The following CRPPA variants were observed in gnomAD, a reference collection of about 807,000 sequenced individuals.
CRPPA encodes CDP-L-ribitol pyrophosphorylase A.
Under a neutral mutation model 52.0 loss-of-function variants are expected in CRPPA, and 43 were observed. The ratio of observed to expected loss-of-function variants is 0.83; its 90% CI spans 0.65 to 1.07. The LOEUF is 1.07. CRPPA is among the 50% of genes least tolerant of loss of function. The probability of loss-of-function intolerance (pLI) is 0.00; values close to 1 mark genes in which losing one functional copy is unlikely to be tolerated. For missense variants in CRPPA, 629 were observed against 551.7 expected (o/e 1.14, Z -1.40); for synonymous variants, 250 against 203.5 (o/e 1.23, Z -1.94).
At chr7:16,386,129 G>C (rs75768231) in intron 2 of CRPPA, among the ~76,000 whole-genome samples, 2,684 of 152,162 alleles carry the variant, frequency 0.018, 61 homozygotes, top group African/African-American at 0.049. Context: ...AGTGGTGGAG[G>C]TGGTCTCGGT....
At chr7:16,383,595 G>C (rs1339553289) in intron 2 of CRPPA, among the ~76,000 whole-genome samples, 3 of 152,238 alleles carry the variant, frequency 2.0e-5, no homozygotes, top group East Asian at 1.9e-4. Context: ...CCTGCCCCCA[G>C]AGGTGGAGCC....
At chr7:16,254,227 C>T (rs1399405111) in intron 8 of CRPPA, among the ~76,000 whole-genome samples, 1 of 152,114 alleles carries the variant, frequency 6.6e-6, no homozygotes, top group Non-Finnish European at 1.5e-5. Flanking sequence ...ACCCAGAGAT[C>T]CCATTACTGG....
At chr7:16,382,376 G>T (rs1384287195) in intron 2 of CRPPA, among the ~76,000 whole-genome samples, 2 of 152,160 alleles carry the variant, frequency 1.3e-5, no homozygotes, top group African/African-American at 4.8e-5. Context: ...TAGTCTGATG[G>T]GCTTCCCTTT....
At chr7:16,342,216 T>C (rs1355906990) in intron 3 of CRPPA, among the ~76,000 whole-genome samples, 1 of 152,194 alleles carries the variant, frequency 6.6e-6, no homozygotes, top group Non-Finnish European at 1.5e-5. Context: ...AGGTGTATGC[T>C]TCAATTTATT....
At position 16,089,421 on chromosome 7, in the gene CRPPA, A is replaced by G. The variant is rs1462325162; in HGVS notation, c.*2274T>C. The G allele has an allele frequency of 2.9e-6, 1 of 343,448 alleles. No homozygotes were observed. Among genetic ancestry groups the G allele is most frequent in the East Asian group, 7.6e-5 (1 of 13,088 alleles). The allele number at this position is 343,448 out of a possible 1,614,324, so 21.3% of individuals were successfully genotyped here. A position where few individuals can be genotyped will look rare whatever the true frequency, so the allele number is the denominator to read the frequency against. Reference sequence around the variant, plus strand: ...ACATAATGTGTATATATGTACGTACATACATATATGTGTATATATGTACGT... The same window carrying G: ...ACATAATGTGTATATATGTACGTACGTACATATATGTGTATATATGTACGT... On this transcript the variant is annotated 3_prime_UTR_variant, in exon 10 of 10. Coordinates refer to ENST00000407010, the MANE Select transcript of CRPPA (RefSeq NM_001101426.4).
intron 9 of CRPPA, among the ~76,000 whole-genome samples, chr7:16,202,217 C>G (rs1487229595): frequency 2.6e-5 from 4 of 152,138 alleles, no homozygotes; most frequent in African/African-American, 9.7e-5. Flanking sequence ...ATGAATGATA[C>G]TAGCCTACAA....
At chr7:16,375,633 G>T (rs1327680190) in intron 3 of CRPPA, among the ~76,000 whole-genome samples, 1 of 152,182 alleles carries the variant, frequency 6.6e-6, no homozygotes, top group African/African-American at 2.4e-5. Flanking sequence ...ACAAGGGCAA[G>T]TCAGTGTGCC....
chr7:16,266,264 C>T (rs1376203318), intron 6 of CRPPA: 1 of 152,164 alleles, frequency 6.6e-6, no homozygotes, highest in Non-Finnish European at 1.5e-5. Flanking sequence ...TTCTGACCCA[C>T]TGCATTAAAC....
At chr7:16,409,635 T>A (rs549011430) in intron 1 of CRPPA, among the ~76,000 whole-genome samples, 1 of 152,334 alleles carries the variant, frequency 6.6e-6, no homozygotes, top group African/African-American at 2.4e-5. Flanking sequence ...ATAGCCAATA[T>A]AAATTAAGCA....
intron 8 of CRPPA, among the ~76,000 whole-genome samples, chr7:16,256,308 A>T (rs1407159825): frequency 6.6e-6 from 1 of 152,166 alleles, no homozygotes; most frequent in Non-Finnish European, 1.5e-5. Flanking sequence ...ATGTGGAGAA[A>T]TATGAACGCT....
At chr7:16,413,699 C>T (rs1788122792) in intron 1 of CRPPA, among the ~76,000 whole-genome samples, 1 of 152,092 alleles carries the variant, frequency 6.6e-6, no homozygotes, top group South Asian at 2.1e-4. Flanking sequence ...TAAAAGTACA[C>T]AAGAAAACAA....
chr7:16,131,516 T>G (rs542419890), intron 9 of CRPPA, among the ~76,000 whole-genome samples: 2 of 152,294 alleles, frequency 1.3e-5, no homozygotes, highest in Non-Finnish European at 2.9e-5. Context: ...GGAAGCCCAC[T>G]TTGGAGTACA....
At chr7:16,157,529 A>C (rs1031319840) in intron 9 of CRPPA, among the ~76,000 whole-genome samples, 2 of 152,160 alleles carry the variant, frequency 1.3e-5, no homozygotes, top group Non-Finnish European at 2.9e-5. Flanking sequence ...TTTGAATTTC[A>C]TATTTTGAGG....
intron 9 of CRPPA, among the ~76,000 whole-genome samples, chr7:16,129,334 A>G (rs1256899216): frequency 6.6e-5 from 10 of 151,564 alleles, no homozygotes; most frequent in Non-Finnish European, 1.3e-4. Flanking sequence ...GGTCAAATCA[A>G]TCCTCATTAT....
intron 8 of CRPPA, among the ~76,000 whole-genome samples, chr7:16,222,261 A>C (rs1782530765): frequency 7.3e-6 from 1 of 136,716 alleles, no homozygotes; most frequent in Admixed American, 8.3e-5. Context: ...ACATGGACAC[A>C]GGAAGGGGAA....
chr7:16,228,140 T>C, intron 8 of CRPPA, among the ~76,000 whole-genome samples: 1 of 151,948 alleles, frequency 6.6e-6, no homozygotes, highest in Non-Finnish European at 1.5e-5. Context: ...ACTGTATCTT[T>C]GTAGTATATT....
intron 2 of CRPPA, among the ~76,000 whole-genome samples, chr7:16,383,577 G>C (rs1787173160): frequency 6.6e-6 from 1 of 152,210 alleles, no homozygotes; most frequent in African/African-American, 2.4e-5. Flanking sequence ...CTTTTTGTTT[G>C]TCTGTGCCCT....
Position 16,090,838 on chromosome 7 carries a change from T to C in CRPPA, c.*857A>G, listed in dbSNP as rs1333358424. On this transcript the variant is annotated 3_prime_UTR_variant, in exon 10 of 10. Coordinates refer to ENST00000407010, the MANE Select transcript of CRPPA (RefSeq NM_001101426.4). ...AGGGAAAATATTAATATTTCAGATGTATATACCAATGAAAACTGGAAATAA... is the reference window on the plus strand; with the variant it reads ...AGGGAAAATATTAATATTTCAGATGCATATACCAATGAAAACTGGAAATAA... 1 of 152,228 alleles carries C rather than the reference T, an allele frequency of 6.6e-6. No individual in the cohort carries two copies. The highest frequency in any genetic ancestry group is 1.5e-5 in the Non-Finnish European group (1 of 68,044). The allele number at this position is 152,228 out of a possible 1,614,324, so 9.4% of individuals were successfully genotyped here. A position where few individuals can be genotyped will look rare whatever the true frequency, so the allele number is the denominator to read the frequency against.
intron 9 of CRPPA, among the ~76,000 whole-genome samples, chr7:16,092,869 C>G (rs1781863865): frequency 6.6e-6 from 1 of 152,192 alleles, no homozygotes; most frequent in Non-Finnish European, 1.5e-5. Flanking sequence ...CCACATAGAA[C>G]TGCTTAAGAT....
Sources: allele counts gnomAD v4.1 joint callset (sites outside exome capture counted in the v4.1 genomes callset), GRCh38; gene constraint gnomAD v4.1.1; transcripts MANE v1.5; gene names NCBI Gene and HGNC (gene_info 2026-07-23, HGNC 2026-07-21).